BRD3: variants seen among roughly 807,000 people sequenced by gnomAD.
BRD3 encodes bromodomain-containing protein 3.
BRD3 carries 17 observed loss-of-function variants against 66.8 expected under a neutral mutation model. That is an observed-to-expected ratio of 0.25 (90% confidence interval 0.17 to 0.38). The LOEUF (loss-of-function observed/expected upper bound fraction) is 0.38, where lower values mean the gene tolerates loss of function less well. Among genes scored for constraint, BRD3 ranks in the 10% least tolerant of loss-of-function variants. The probability of loss-of-function intolerance (pLI) is 1.00; values close to 1 mark genes in which losing one functional copy is unlikely to be tolerated. For synonymous variants in BRD3, 421 were observed against 393.2 expected (o/e 1.07, Z -0.84); for missense variants, 713 against 956.1 (o/e 0.75, Z 3.35).
At position 134,053,599 on chromosome 9, in the gene BRD3, G is replaced by A. The variant is rs200490864; in HGVS notation, c.-113-9C>T. 49 of 1,443,304 alleles carry A rather than the reference G, an allele frequency of 3.4e-5. No individual in the cohort carries two copies. In the Middle Eastern group the frequency reaches 1.5e-3, roughly 45 times the overall value. The allele number at this position is 1,443,304 out of a possible 1,614,324, so 89.4% of individuals were successfully genotyped here. ...GCCCAACCAGGCGACAGCTGCAGAG[G>A]AGGAAGCACAACAGAGAGGAAGGCC... On this transcript the variant is annotated splice_polypyrimidine_tract_variant and intron_variant, in intron 1 of 11. Coordinates refer to ENST00000303407, the MANE Select transcript of BRD3 (RefSeq NM_007371.4).
At chr9:134,041,612 A>C (rs1016450147) in intron 8 of BRD3, 148 bp downstream of exon 8, 1 of 1,082,008 alleles carries the variant, frequency 9.2e-7, no homozygotes, top group Non-Finnish European at 1.3e-6. Context: ...TGGGGAGGGC[A>C]CTCCGAGTGT....
Position 134,036,196 on chromosome 9 carries a change from T to C in BRD3, c.1772A>G (p.Lys591Arg). The C allele has an allele frequency of 6.2e-7, 1 of 1,614,230 alleles. No individual in the cohort carries two copies. Among genetic ancestry groups the C allele is most frequent in the Non-Finnish European group, 8.5e-7 (1 of 1,180,040 alleles). ...GATGATGTGCACTACCCGGCCCAGC[T>C]TCTCCCCGGGCAGCCGGTTGATGTC... ...SLDINRLPGEKLGRVVHIIQS... is the reference protein window; with the variant it reads ...SLDINRLPGERLGRVVHIIQS... The change falls in exon 10 of 12, where the codon AAG becomes AGG. Residue 591 changes from lysine (K) to arginine (R), a missense_variant. Lys to Arg is a conservative substitution (Grantham distance 26). Around this residue, in one of 5 missense-constraint regions of BRD3, gnomAD observed 418 missense variants for 609.3 expected, o/e 0.69. Coordinates refer to ENST00000303407, the MANE Select transcript of BRD3 (RefSeq NM_007371.4).
At position 134,050,291 on chromosome 9, in the gene BRD3, C is replaced by T. The variant is rs148250297; in HGVS notation, c.714+83G>A. The T allele has an allele frequency of 6.4e-3, 8,766 of 1,364,522 alleles. 43 individuals carry two copies. The highest frequency in any genetic ancestry group is 7.1e-3 in the Non-Finnish European group (7,014 of 985,652). The allele number at this position is 1,364,522 out of a possible 1,614,324, so 84.5% of individuals were successfully genotyped here. ...GCCAGCACTCAGGGAAAGGTGGGGG[C>T]CCCCCGCCTGCTGCTCCTGCCCTGA... On this transcript the variant is annotated intron_variant, in intron 5 of 11. Coordinates refer to ENST00000303407, the MANE Select transcript of BRD3 (RefSeq NM_007371.4).
intron 1 of BRD3, among the ~76,000 whole-genome samples, chr9:134,064,632 G>C (rs907056181): frequency 6.6e-6 from 1 of 152,034 alleles, no homozygotes; most frequent in African/African-American, 2.4e-5. Flanking sequence ...AGGCAGAGAC[G>C]GGTGGGTCAC....
chr9:134,064,972 G>A (rs1198665042), intron 1 of BRD3, among the ~76,000 whole-genome samples: 4 of 152,246 alleles, frequency 2.6e-5, no homozygotes, highest in Non-Finnish European at 5.9e-5. Flanking sequence ...TGCTACCTGT[G>A]CATCTCTTCT....
chr9:134,058,008 G>A (rs555340520), intron 1 of BRD3: 2 of 152,468 alleles, frequency 1.3e-5, no homozygotes, highest in South Asian at 4.1e-4. Context: ...CCCTGCGAGA[G>A]GGAGGCATGG....
At chr9:134,043,529 C>T (rs1347720048) in intron 7 of BRD3, among the ~76,000 whole-genome samples, 1 of 152,242 alleles carries the variant, frequency 6.6e-6, no homozygotes, top group Non-Finnish European at 1.5e-5. Context: ...ATATCCCAGG[C>T]TCTCCTCTCA....
chr9:134,052,237 C>G, intron 3 of BRD3, 69 bp downstream of exon 3: 1 of 1,576,326 alleles, frequency 6.3e-7, no homozygotes, highest in Non-Finnish European at 8.6e-7. Context: ...GCAAAGCGCC[C>G]AGGCCCACTG....
At position 134,048,797 on chromosome 9, in the gene BRD3, C is replaced by T. The variant is rs375394340; in HGVS notation, c.715-343G>A. Among the ~76,000 whole-genome samples, 6 of 152,188 alleles carry T rather than the reference C, an allele frequency of 3.9e-5. No individual in the cohort carries two copies. In the East Asian group the frequency reaches 5.8e-4, roughly 15 times the overall value. On this transcript the variant is annotated intron_variant, in intron 5 of 11. Transcript: ENST00000303407. The stretch of plus-strand genomic sequence containing the variant: ...GCCATGTGAGGTGCTGCATGCAATT[C>T]GCCAGACACCTAACAAGCACCCAGA...
At chr9:134,055,536 C>T (rs540320448) in intron 1 of BRD3, among the ~76,000 whole-genome samples, 2 of 152,300 alleles carry the variant, frequency 1.3e-5, no homozygotes, top group East Asian at 1.9e-4. Flanking sequence ...CACTTCCCCA[C>T]GAGGCTCCTG....
At chr9:134,053,018 C>T (rs1261140895) in intron 2 of BRD3, among the ~76,000 whole-genome samples, 3 of 152,242 alleles carry the variant, frequency 2.0e-5, no homozygotes, top group Non-Finnish European at 2.9e-5. Flanking sequence ...ACCACCCACT[C>T]GCTTTCCTCC....
In BRD3 at chr9:134,032,901, C is replaced by A; in HGVS notation, c.*689G>T. ...TTTTTTAAAGTTGAGGTAAAAGCTT[C>A]AGTGTATGGAAACCTGCAGGCTGCA... is the stretch of plus-strand genomic sequence containing the variant. On this transcript the variant is annotated 3_prime_UTR_variant, in exon 12 of 12. Transcript: ENST00000303407. 6.2e-6 allele frequency: 2 copies of A among 324,250 alleles called. No individual in the cohort carries two copies. The highest frequency in any genetic ancestry group is 5.0e-5 in the Admixed American group (1 of 19,830). The allele number at this position is 324,250 out of a possible 1,614,324, so 20.1% of individuals were successfully genotyped here. A position where few individuals can be genotyped will look rare whatever the true frequency, so the allele number is the denominator to read the frequency against.
rs981831079 is a variant in BRD3 at position 134,036,523 on chromosome 9, C to T, written c.1644-199G>A. ...GGGTTTCCAGCCCTTGGCCAGGAAA[C>T]AATTACAGAGGTTCGTTCCTCTCTA... On this transcript the variant is annotated intron_variant, in intron 9 of 11. Coordinates refer to ENST00000303407, the MANE Select transcript of BRD3 (RefSeq NM_007371.4). 8 of 1,605,096 alleles carry T rather than the reference C, an allele frequency of 5.0e-6. No individual in the cohort carries two copies. The African/African-American group carries it at 6.7e-5, about 13-fold the overall frequency.
Position 134,064,043 on chromosome 9 carries a change from G to A in BRD3, c.-114+3902C>T, listed in dbSNP as rs1050993853. Among the ~76,000 whole-genome samples the A allele has an allele frequency of 2.0e-4, 30 of 152,196 alleles. 1 individual carries two copies. Among genetic ancestry groups the A allele is most frequent in the South Asian group, 2.1e-4 (1 of 4,830 alleles). On this transcript the variant is annotated intron_variant, in intron 1 of 11. Transcript: ENST00000303407. ...AAGGCCCTGTGAGGAGGCAGCCTGC[G>A]AACTGACTCTCAGGGAACAGCCACA...
chr9:134,060,121 G>A (rs1041749953), intron 1 of BRD3, among the ~76,000 whole-genome samples: 2 of 152,206 alleles, frequency 1.3e-5, no homozygotes, highest in Non-Finnish European at 2.9e-5. Context: ...ACTGCCTGCC[G>A]GGCCCAGCAG....
In BRD3 at chr9:134,046,345, G is replaced by A. The variant is rs114631037; in HGVS notation, c.1087-924C>T. 3.0e-3 allele frequency among the ~76,000 whole-genome samples: 457 copies of A among 152,334 alleles called. 2 individuals are homozygous for A. Among genetic ancestry groups the A allele is most frequent in the African/African-American group, 0.01 (434 of 41,576 alleles). On this transcript the variant is annotated intron_variant, in intron 6 of 11. Transcript: ENST00000303407. Reference sequence around the variant, plus strand: ...CCATCCTGGGATGGCTTCAAGGAGAGGCACCTTGTCGGGGACCTCGAGGGA... The same window carrying A: ...CCATCCTGGGATGGCTTCAAGGAGAAGCACCTTGTCGGGGACCTCGAGGGA...
chr9:134,056,339 A>G (rs1321082876), intron 1 of BRD3, among the ~76,000 whole-genome samples: 1 of 152,208 alleles, frequency 6.6e-6, no homozygotes, highest in Non-Finnish European at 1.5e-5. Context: ...TGAGGGGTGC[A>G]GTATAAAAAG....
rs542565913 is a variant in BRD3 at position 134,040,802 on chromosome 9, C to T, written c.1408-533G>A. On this transcript the variant is annotated intron_variant, in intron 8 of 11. Transcript: ENST00000303407. Reference sequence around the variant, plus strand: ...ATTTCTGGGAAGCCATTTGATAACACGCAGGACTCCGGGGTTAAAACAATC... The same window carrying T: ...ATTTCTGGGAAGCCATTTGATAACATGCAGGACTCCGGGGTTAAAACAATC... Among the ~76,000 whole-genome samples the T allele has an allele frequency of 5.3e-5, 8 of 152,344 alleles. No homozygotes were observed. In the East Asian group the frequency reaches 1.4e-3, roughly 26 times the overall value.
intron 7 of BRD3, among the ~76,000 whole-genome samples, chr9:134,043,857 G>A (rs181180333): frequency 3.3e-5 from 5 of 152,272 alleles, no homozygotes; most frequent in East Asian, 3.9e-4. Flanking sequence ...CACCTGACTC[G>A]TTTTTAAAAT....
Sources: gnomAD v4.1 joint callset for allele counts (sites outside exome capture counted in the v4.1 genomes callset) on GRCh38, gnomAD v4.1.1 for gene constraint, gnomAD v4.1.1 regional missense constraint, MANE v1.5 for transcripts, NCBI Gene and HGNC (gene_info 2026-07-23, HGNC 2026-07-21) for gene names.